The following AFAP1L2 variants were observed in gnomAD, a reference collection of about 807,000 sequenced individuals.
AFAP1L2 encodes actin filament-associated protein 1-like 2.
In AFAP1L2, 46 loss-of-function variants were observed where a neutral mutation model predicts 99.3. That is an observed-to-expected ratio of 0.46 (90% confidence interval 0.37 to 0.59). The LOEUF is 0.59. Ranked by LOEUF, AFAP1L2 falls within the 20% of genes least tolerant of loss-of-function variation. The pLI is 0.00. For missense variants in AFAP1L2, 959 were observed against 1,034.9 expected (o/e 0.93, Z 1.01); for synonymous variants, 397 against 419.1 (o/e 0.95, Z 0.64).
rs1038100605 is a variant in AFAP1L2 at position 114,295,595 on chromosome 10, A to G, written c.*447T>C. On this transcript the variant is annotated 3_prime_UTR_variant, in exon 19 of 19. Coordinates refer to ENST00000304129, the MANE Select transcript of AFAP1L2 (RefSeq NM_001001936.3). ...GAAGGCAAGGATGGTTTAATCCCCAACTGCTAAGTATTGGATAAGAGATGA... is the reference window on the plus strand; with the variant it reads ...GAAGGCAAGGATGGTTTAATCCCCAGCTGCTAAGTATTGGATAAGAGATGA... 1.2e-5 allele frequency: 12 copies of G among 988,492 alleles called. No individual in the cohort carries two copies. Among genetic ancestry groups the G allele is most frequent in the Non-Finnish European group, 1.1e-5 (9 of 832,118 alleles). The allele number at this position is 988,492 out of a possible 1,614,324, so 61.2% of individuals were successfully genotyped here. A position where few individuals can be genotyped will look rare whatever the true frequency, so the allele number is the denominator to read the frequency against.
At chr10:114,350,200 C>T (rs1246845972) in intron 1 of AFAP1L2, among the ~76,000 whole-genome samples, 1 of 152,208 alleles carries the variant, frequency 6.6e-6, no homozygotes, top group Admixed American at 6.5e-5. Context: ...AAACCAAGCA[C>T]AGAGAAGGAG....
chr10:114,312,828 T>C (rs2043464812), intron 7 of AFAP1L2, among the ~76,000 whole-genome samples: 1 of 152,186 alleles, frequency 6.6e-6, no homozygotes, highest in Non-Finnish European at 1.5e-5. Context: ...GCAATAAAGA[T>C]GGGGATACCT....
At position 114,296,990 on chromosome 10, in the gene AFAP1L2, G is replaced by A. The variant is rs746881038; in HGVS notation, c.2418C>T (p.Leu806=). ...AGTGACTGCTTACCTTGGCTTTCTG[G>A]AGTACAGTGCCTTTGCCTGTGACCA... ...SVVVTGKGTV[L]QKAKEWEKKG... The change falls in exon 18 of 19, where the codon CTC becomes CTT. Residue 806 remains leucine, a synonymous_variant. Coordinates refer to ENST00000304129, the MANE Select transcript of AFAP1L2 (RefSeq NM_001001936.3). The A allele has an allele frequency of 8.7e-6, 14 of 1,614,032 alleles. No homozygotes were observed. In the East Asian group the frequency reaches 1.3e-4, roughly 15 times the overall value.
At chr10:114,367,402 T>C (rs1313909749) in intron 1 of AFAP1L2, among the ~76,000 whole-genome samples, 3 of 152,158 alleles carry the variant, frequency 2.0e-5, no homozygotes, top group Non-Finnish European at 4.4e-5. Context: ...AGGGGAAATA[T>C]TACCCAGGGA....
At chr10:114,301,324 GCC>G in intron 13 of AFAP1L2, 28 bp downstream of exon 13, 1 of 1,559,940 alleles carries the variant, frequency 6.4e-7, no homozygotes, top group South Asian at 1.1e-5. Flanking sequence ...GCCTGGAGAG[GCC>G]CAGGCCACTG....
rs187639495 is a variant in AFAP1L2, at chr10:114,300,365, T to A, written c.1789-3A>T. On this transcript the variant is annotated splice_region_variant and splice_polypyrimidine_tract_variant and intron_variant, in intron 14 of 18. Coordinates refer to ENST00000304129, the MANE Select transcript of AFAP1L2 (RefSeq NM_001001936.3). Reference sequence around the variant, plus strand: ...TCTGGCTCCAAACTCTCCAGCTGCTTTGGGGGAAAGCAGACCTGACTCAGC... The same window carrying A: ...TCTGGCTCCAAACTCTCCAGCTGCTATGGGGGAAAGCAGACCTGACTCAGC... 2 of 1,614,022 alleles carry A rather than the reference T, an allele frequency of 1.2e-6. No homozygotes were observed. Among genetic ancestry groups the A allele is most frequent in the Admixed American group, 3.3e-5 (2 of 60,012 alleles).
At chr10:114,335,699 A>C (rs2047865968) in intron 2 of AFAP1L2, among the ~76,000 whole-genome samples, 1 of 152,200 alleles carries the variant, frequency 6.6e-6, no homozygotes, top group Non-Finnish European at 1.5e-5. Context: ...CCAATCGTGA[A>C]AACTAGCAAG....
intron 1 of AFAP1L2, among the ~76,000 whole-genome samples, chr10:114,389,688 G>A (rs1205222599): frequency 1.3e-5 from 2 of 152,174 alleles, no homozygotes; most frequent in Non-Finnish European, 2.9e-5. Context: ...CATCTCCCCC[G>A]TTCTGTGACA....
the AFAP1L2 span, among the ~76,000 whole-genome samples, chr10:114,283,254 C>T: frequency 6.6e-6 from 1 of 151,890 alleles, no homozygotes; most frequent in African/African-American, 2.4e-5. Context: ...GTTAGACACA[C>T]AGGCAGGGCA....
Position 114,307,858 on chromosome 10 carries a change from C to A in AFAP1L2, c.1019G>T (p.Gly340Val). ...CTCCAGTGAGGTGGATTTCTTCCTG[C>A]CCAGATTCATTAGGTTGCTCAGTTT... ...GLKLSNLMNL[G>V]RKKSTSLEPV... Residue 340 changes from glycine (G) to valine (V), a missense_variant, in exon 10 of 19, where the codon GGC becomes GTC. Gly to Val is a moderately radical substitution (Grantham distance 109, BLOSUM62 -3). This residue lies in a region of AFAP1L2 where 383 missense variants were observed against 472.8 expected (regional missense o/e 0.81). Transcript: ENST00000304129. 1 of 1,614,118 alleles carries A rather than the reference C, an allele frequency of 6.2e-7. No individual in the cohort carries two copies. The highest frequency in any genetic ancestry group is 1.1e-5 in the South Asian group (1 of 91,086).
downstream of AFAP1L2, chr10:114,291,239 G>A (rs2039567412): frequency 1.3e-6 from 2 of 1,550,318 alleles, no homozygotes; most frequent in Non-Finnish European, 1.7e-6. Context: ...CGCCCCTGAG[G>A]CACATGGCTC....
At chr10:114,337,111 G>C (rs147862834) in intron 2 of AFAP1L2, among the ~76,000 whole-genome samples, 15 of 152,184 alleles carry the variant, frequency 9.9e-5, no homozygotes, top group Non-Finnish European at 1.8e-4. Flanking sequence ...TTTCAGGTGC[G>C]GTATGTGTGT....
intron 1 of AFAP1L2, among the ~76,000 whole-genome samples, chr10:114,362,381 A>G (rs2052561107): frequency 6.6e-6 from 1 of 152,198 alleles, no homozygotes; most frequent in Non-Finnish European, 1.5e-5. Flanking sequence ...TCCTGGGTTT[A>G]GGGAGGGCTC....
intron 1 of AFAP1L2, among the ~76,000 whole-genome samples, chr10:114,364,231 C>T (rs959699495): frequency 6.6e-6 from 1 of 152,186 alleles, no homozygotes; most frequent in Non-Finnish European, 1.5e-5. Flanking sequence ...TGGCAGTCAC[C>T]CCTCATGTGG....
chr10:114,291,573 G>C, downstream of AFAP1L2: 1 of 281,940 alleles, frequency 3.5e-6, no homozygotes, highest in Non-Finnish European at 6.7e-6. Flanking sequence ...ATAAACAAGG[G>C]GTCCTGAAGA....
chr10:114,399,691 G>T (rs1246472836), intron 1 of AFAP1L2, among the ~76,000 whole-genome samples: 1 of 152,132 alleles, frequency 6.6e-6, no homozygotes, highest in East Asian at 1.9e-4. Flanking sequence ...CTTGAGAAAT[G>T]AATTCCTCAC....
chr10:114,311,450 G>T (rs1418728620), intron 7 of AFAP1L2, among the ~76,000 whole-genome samples: 4 of 152,210 alleles, frequency 2.6e-5, no homozygotes, highest in African/African-American at 9.6e-5. Context: ...ACTCCAGTTC[G>T]GGACTGTGGT....
chr10:114,287,773 C>T, the AFAP1L2 span, among the ~76,000 whole-genome samples: 1 of 152,302 alleles, frequency 6.6e-6, no homozygotes, highest in Admixed American at 6.5e-5. Flanking sequence ...CACCCAGTTT[C>T]CCCTCCTATT....
intron 1 of AFAP1L2, among the ~76,000 whole-genome samples, chr10:114,354,318 C>T (rs747337862): frequency 3.3e-5 from 5 of 152,180 alleles, no homozygotes; most frequent in Non-Finnish European, 7.3e-5. Context: ...TTCTGCTGAT[C>T]GTAGCACCTC....
Sources: allele counts gnomAD v4.1 joint callset (sites outside exome capture counted in the v4.1 genomes callset), GRCh38; gene constraint gnomAD v4.1.1; regional missense constraint gnomAD v4.1.1; transcripts MANE v1.5; gene names NCBI Gene and HGNC (gene_info 2026-07-23, HGNC 2026-07-21).